The following RESP18 variants were observed in gnomAD, a reference collection of about 807,000 sequenced individuals.
RESP18 encodes the protein regulated endocrine-specific protein 18.
RESP18 carries 30 observed loss-of-function variants against 30.0 expected under a neutral mutation model. That is an observed-to-expected ratio of 1.00 (90% CI 0.75 to 1.36). The LOEUF is 1.36. Ranked by LOEUF, RESP18 falls within the 40% of genes most tolerant of loss-of-function variation. The pLI is 0.00. For synonymous variants in RESP18, 117 were observed against 111.2 expected (o/e 1.05, Z -0.33); for missense variants, 320 against 284.2 (o/e 1.13, Z -0.91).
In RESP18 at chr2:219,332,712, G is replaced by T. The variant is rs1490835010; in HGVS notation, c.44C>A (p.Ala15Asp). 1.2e-5 allele frequency: 18 copies of T among 1,547,706 alleles called. No individual in the cohort carries two copies. The highest frequency in any genetic ancestry group is 8.7e-7 in the Non-Finnish European group (1 of 1,144,766). The change falls in exon 2 of 7, where the codon GCT (alanine) becomes GAT (aspartate). Residue 15 changes from alanine to aspartate, a missense_variant. It adds an upstream start codon to the 5' untranslated region. Transcript: ENST00000333527. ...GGCCGAGGGGCTGAGCGGGGCTGCA[G>T]CTTCCCACCAGCCCGCGACTCCGAA...
Position 219,329,656 on chromosome 2 carries a change from A to T in RESP18, c.446T>A (p.Phe149Tyr). Residue 149 changes from phenylalanine (F) to tyrosine (Y), a missense_variant, in exon 4 of 7, where the codon TTC becomes TAC. Coordinates refer to ENST00000333527, the MANE Select transcript of RESP18 (RefSeq NM_001007089.4). ...CCTCACCTCAGTGGTTTTAGTGGGG[A>T]AAAGTGCCTTCCCATCCTTCAGGCA... 1 of 1,551,468 alleles carries T rather than the reference A, an allele frequency of 6.4e-7. No individual in the cohort carries two copies. The highest frequency in any genetic ancestry group is 8.7e-7 in the Non-Finnish European group (1 of 1,146,966).
intron 4 of RESP18, 63 bp downstream of exon 3, chr2:219,329,574 T>C: frequency 6.5e-7 from 1 of 1,546,536 alleles, no homozygotes; most frequent in Non-Finnish European, 8.7e-7. Context: ...TAGCACACAT[T>C]CCTTCCCTGT....
rs1429799498 is a variant in RESP18 at position 219,329,019 on chromosome 2, C to T, written c.556-11G>A. On this transcript the variant is annotated splice_polypyrimidine_tract_variant and intron_variant, in intron 5 of 6. Coordinates refer to ENST00000333527, the MANE Select transcript of RESP18 (RefSeq NM_001007089.4). ...ACACCTATAGGTAATCTGAGAGATA[C>T]AGGAAATTAGAAGTACCTTTGATTA... 2.6e-6 allele frequency: 4 copies of T among 1,545,234 alleles called. No homozygotes were observed. The highest frequency in any genetic ancestry group is 3.5e-6 in the Non-Finnish European group (4 of 1,141,092).
intron 2 of RESP18, among the ~76,000 whole-genome samples, chr2:219,331,720 C>G (rs1316224535): frequency 2.0e-5 from 3 of 152,120 alleles, no homozygotes; most frequent in African/African-American, 7.2e-5. Context: ...CGCTCGGGCT[C>G]GGCGTGGACC....
intron 1 of RESP18, among the ~76,000 whole-genome samples, 195 bp from the exon 1 acceptor site, chr2:219,332,939 A>ATACCCGTATCT (rs1559316872): frequency 6.6e-6 from 1 of 152,148 alleles, no homozygotes; most frequent in Non-Finnish European, 1.5e-5. Context: ...GGCACGTAAG[A>ATACCCGTATCT]TACGGGTGCA....
At chr2:219,328,766 C>A (rs1952798534) in intron 6 of RESP18, among the ~76,000 whole-genome samples, 158 bp downstream of exon 5, 1 of 152,150 alleles carries the variant, frequency 6.6e-6, no homozygotes, top group Non-Finnish European at 1.5e-5. Context: ...TAGAGTAGAG[C>A]AAGGGGGAGG....
intron 1 of RESP18, 111 bp from the exon 1 acceptor site, chr2:219,332,855 G>A (rs949326268): frequency 5.7e-6 from 5 of 869,854 alleles, no homozygotes; most frequent in African/African-American, 3.4e-5. Flanking sequence ...TTCCTGACCC[G>A]GCTCCTTTCG....
chr2:219,332,407 C>G (rs568775147), intron 2 of RESP18, 117 bp downstream of exon 1: 1 of 733,676 alleles, frequency 1.4e-6, no homozygotes. Context: ...TCTCTTCTCA[C>G]GTCCTTAAGC....
chr2:219,333,059 C>T, intron 1 of RESP18: 1 of 1,054,090 alleles, frequency 9.5e-7, no homozygotes, highest in Non-Finnish European at 1.3e-6. Flanking sequence ...TTTACTCTGG[C>T]CCACTTAAAA....
At chr2:219,329,041 A>G in intron 5 of RESP18, 33 bp from the exon 5 acceptor site, 1 of 1,516,604 alleles carries the variant, frequency 6.6e-7, no homozygotes. Context: ...AGTACCTTTG[A>G]TTAGGAATGG....
At chr2:219,332,840 T>C (rs1342231638) in intron 1 of RESP18, 96 bp from the exon 1 acceptor site, 2 of 966,470 alleles carry the variant, frequency 2.1e-6, no homozygotes, top group African/African-American at 1.7e-5. Context: ...CCTCATCTCT[T>C]GGAATTCCTG....
chr2:219,329,555 C>T (rs2125107407), intron 4 of RESP18, 82 bp downstream of exon 3: 1 of 1,541,862 alleles, frequency 6.5e-7, no homozygotes, highest in African/African-American at 1.4e-5. Flanking sequence ...CAACTTCTAC[C>T]TGCAGTTTTA....
Position 219,327,463 on chromosome 2 carries a change from C to A in RESP18, c.*54G>T. On this transcript the variant is annotated 3_prime_UTR_variant, in exon 7 of 7. Coordinates refer to ENST00000333527, the MANE Select transcript of RESP18 (RefSeq NM_001007089.4). Reference sequence around the variant, plus strand: ...TCTGGGTCATCCAAGAACTGCTCCTCTGAAGGGCAATGGGAAGGGTGCTGG... The same window carrying A: ...TCTGGGTCATCCAAGAACTGCTCCTATGAAGGGCAATGGGAAGGGTGCTGG... 6.7e-7 allele frequency: 1 copy of A among 1,493,192 alleles called. No homozygotes were observed. Among genetic ancestry groups the A allele is most frequent in the South Asian group, 1.2e-5 (1 of 82,830 alleles). The allele number at this position is 1,493,192 out of a possible 1,614,324, so 92.5% of individuals were successfully genotyped here. A position where few individuals can be genotyped will look rare whatever the true frequency, so the allele number is the denominator to read the frequency against.
chr2:219,329,077 C>T (rs1952803044), intron 5 of RESP18, 69 bp from the exon 5 acceptor site: 1 of 1,470,710 alleles, frequency 6.8e-7, no homozygotes, highest in African/African-American at 1.4e-5. Context: ...AGCGATCTGC[C>T]CTCACCTCAA....
At chr2:219,328,527 G>A (rs1204377773) in intron 6 of RESP18, among the ~76,000 whole-genome samples, 2 of 152,240 alleles carry the variant, frequency 1.3e-5, no homozygotes, top group African/African-American at 4.8e-5. Context: ...TGGAAGGGCA[G>A]GGACTATGCA....
At chr2:219,332,829 C>T (rs1027815404) in intron 1 of RESP18, 85 bp from the exon 1 acceptor site, 2 of 1,045,198 alleles carry the variant, frequency 1.9e-6, no homozygotes, top group Admixed American at 2.8e-5. Context: ...CGCCTCCCCA[C>T]CCTCATCTCT....
chr2:219,328,280 A>T (rs780666524), intron 6 of RESP18, among the ~76,000 whole-genome samples: 2 of 152,138 alleles, frequency 1.3e-5, no homozygotes, highest in African/African-American at 4.8e-5. Context: ...CCTGGGCCTA[A>T]TTCTCCACCC....
rs781466104 is a variant in RESP18 at position 219,330,810 on chromosome 2, G to A, written c.298C>T (p.Gln100Ter). The A allele has an allele frequency of 6.4e-7, 1 of 1,551,400 alleles. No homozygotes were observed. Among genetic ancestry groups the A allele is most frequent in the African/African-American group, 1.4e-5 (1 of 73,086 alleles). The change falls in exon 3 of 7, where the codon CAG (glutamine) becomes TAG (stop). Residue 100 changes from glutamine to a stop codon, truncating the protein, a stop_gained. Transcript: ENST00000333527. LOFTEE classifies it high-confidence loss of function. Reference sequence around the variant, plus strand: ...TGCTGGAGCACAACCTGTAAATGCTGGAAGACTGGGGTGGCAAATCCTTGG... The same window carrying A: ...TGCTGGAGCACAACCTGTAAATGCTAGAAGACTGGGGTGGCAAATCCTTGG...
intron 1 of RESP18, 50 bp from the exon 1 acceptor site, chr2:219,332,794 TCGCCTCCCCAGCTCCTTCCCCTAC>T (rs1300534561): frequency 9.4e-6 from 13 of 1,384,790 alleles, no homozygotes; most frequent in Non-Finnish European, 1.3e-5. Context: ...GCCCCTGCGG[TCGCCTCCCCAGCTCCTTCCCCTAC>T]CGCCTCCCCA....
Sources: allele counts gnomAD v4.1 joint callset (sites outside exome capture counted in the v4.1 genomes callset), GRCh38; gene constraint gnomAD v4.1.1; transcripts MANE v1.5; gene names NCBI Gene and HGNC (gene_info 2026-07-23, HGNC 2026-07-21).